DRC11: variants seen among roughly 807,000 people sequenced by gnomAD.
DRC11 encodes the protein IQ and AAA domain-containing protein 1.
chr2:236,402,997 C>T, the DRC11 span, among the ~76,000 whole-genome samples: 1 of 152,102 alleles, frequency 6.6e-6, no homozygotes, highest in Non-Finnish European at 1.5e-5. This position sits in a 1 kb window ranked among gnomAD's most constrained non-coding sequence, Gnocchi z 6.0. Context: ...ATCTTTATTA[C>T]TTTTTCGTCA....
At chr2:236,497,539 A>T in the DRC11 span, 25 of 1,370,472 alleles carry the variant, frequency 1.8e-5, no homozygotes, top group Non-Finnish European at 2.2e-5. The surrounding 1 kb of genome is among the most constrained non-coding windows in gnomAD (Gnocchi z 5.1). Flanking sequence ...ATCACTTGGT[A>T]AAACATAAAC....
At chr2:236,357,073 T>C in the DRC11 span, among the ~76,000 whole-genome samples, 2 of 99,802 alleles carry the variant, frequency 2.0e-5, 1 homozygote, top group Non-Finnish European at 4.4e-5. Flanking sequence ...TATTCATATA[T>C]TATATATCTA....
At chr2:236,459,594 CGT>C in the DRC11 span, among the ~76,000 whole-genome samples, 9 of 98,590 alleles carry the variant, frequency 9.1e-5, no homozygotes, top group African/African-American at 3.2e-4. Context: ...TATACGTATA[CGT>C]ATACATATAT....
chr2:236,366,793 C>G, the DRC11 span, among the ~76,000 whole-genome samples: 1 of 141,830 alleles, frequency 7.1e-6, no homozygotes, highest in African/African-American at 2.5e-5. Context: ...CTCTCCCTCT[C>G]CCTCCCTCCT....
At chr2:236,374,464 C>A in the DRC11 span, among the ~76,000 whole-genome samples, 1 of 151,964 alleles carries the variant, frequency 6.6e-6, no homozygotes, top group South Asian at 2.1e-4. Context: ...AAAGAAATAC[C>A]CAAGACTGGG....
chr2:236,493,723 G>A, the DRC11 span: 1 of 1,482,444 alleles, frequency 6.7e-7, no homozygotes, highest in East Asian at 2.4e-5. Flanking sequence ...GAAAAAGGAA[G>A]TTACACAGAT....
chr2:236,501,079 T>C, the DRC11 span, among the ~76,000 whole-genome samples: 1 of 152,158 alleles, frequency 6.6e-6, no homozygotes, highest in Non-Finnish European at 1.5e-5. Context: ...AGCATCTGCG[T>C]CTGGGGTGGC....
chr2:236,500,566 T>C, the DRC11 span, among the ~76,000 whole-genome samples: 3 of 152,290 alleles, frequency 2.0e-5, no homozygotes, highest in East Asian at 5.8e-4. The surrounding 1 kb of genome is among the most constrained non-coding windows in gnomAD (Gnocchi z 6.3). Context: ...ATATTTAAAC[T>C]ATTGCTAGTG....
At chr2:236,402,307 C>T in the DRC11 span, among the ~76,000 whole-genome samples, 1 of 152,248 alleles carries the variant, frequency 6.6e-6, no homozygotes. This position sits in a 1 kb window ranked among gnomAD's most constrained non-coding sequence, Gnocchi z 6.0. Flanking sequence ...AGAGGACACA[C>T]CTCCTGCCCC....
the DRC11 span, among the ~76,000 whole-genome samples, chr2:236,345,409 G>T: frequency 6.6e-6 from 1 of 152,054 alleles, no homozygotes; most frequent in Non-Finnish European, 1.5e-5. Flanking sequence ...CATCCTCTCA[G>T]TTTGGCTTGA....
the DRC11 span, among the ~76,000 whole-genome samples, chr2:236,498,026 AAG>A: frequency 6.6e-6 from 1 of 152,232 alleles, no homozygotes; most frequent in African/African-American, 2.4e-5. Context: ...GTCCACCAGT[AAG>A]AGAGTGGATA....
chr2:236,356,263 G>C, the DRC11 span, among the ~76,000 whole-genome samples: 1 of 152,204 alleles, frequency 6.6e-6, no homozygotes, highest in Admixed American at 6.5e-5. Context: ...GCCCTGCCCT[G>C]GCCTTCCCTT....
At chr2:236,507,212 T>TG in the DRC11 span, 1 of 1,608,172 alleles carries the variant, frequency 6.2e-7, no homozygotes, top group Non-Finnish European at 8.5e-7. Context: ...CCTTCTGGCT[T>TG]GGGGAAGCCC....
At chr2:236,376,565 G>C in the DRC11 span, among the ~76,000 whole-genome samples, 4 of 152,156 alleles carry the variant, frequency 2.6e-5, no homozygotes, top group East Asian at 3.8e-4. This position sits in a 1 kb window ranked among gnomAD's most constrained non-coding sequence, Gnocchi z 5.7. Flanking sequence ...ACAGTTATGA[G>C]GAATTTTAAG....
At chr2:236,397,544 A>G in the DRC11 span, among the ~76,000 whole-genome samples, 8 of 152,364 alleles carry the variant, frequency 5.3e-5, no homozygotes, top group African/African-American at 1.9e-4. The surrounding 1 kb of genome is among the most constrained non-coding windows in gnomAD (Gnocchi z 5.0). Context: ...GGGCTCCACA[A>G]AGGTGCTCTT....
At chr2:236,384,359 A>G in the DRC11 span, among the ~76,000 whole-genome samples, 2 of 152,012 alleles carry the variant, frequency 1.3e-5, no homozygotes, top group African/African-American at 4.8e-5. Context: ...TTGCCATTCT[A>G]ACTGGTGTGA....
chr2:236,332,125 CATTTT>C, the DRC11 span: 1 of 157,610 alleles, frequency 6.3e-6, no homozygotes, highest in East Asian at 1.8e-4. This position sits in a 1 kb window ranked among gnomAD's most constrained non-coding sequence, Gnocchi z 5.1. Context: ...CTGTATTACA[CATTTT>C]ATTAAATAGA....
At chr2:236,413,313 T>A in the DRC11 span, among the ~76,000 whole-genome samples, 2 of 152,198 alleles carry the variant, frequency 1.3e-5, no homozygotes, top group East Asian at 3.8e-4. This position sits in a 1 kb window ranked among gnomAD's most constrained non-coding sequence, Gnocchi z 4.0. Flanking sequence ...TTCCCTAGGC[T>A]AAGGACTCTA....
chr2:236,344,386 A>G, the DRC11 span, among the ~76,000 whole-genome samples: 1 of 152,176 alleles, frequency 6.6e-6, no homozygotes, highest in East Asian at 1.9e-4. Context: ...AAGTCAGACC[A>G]CAGAACCCTT....
Sources: allele counts gnomAD v4.1 joint callset (sites outside exome capture counted in the v4.1 genomes callset), GRCh38; gene constraint gnomAD v4.1.1; non-coding constraint Gnocchi (gnomAD v3.1); transcripts MANE v1.5; gene names NCBI Gene and HGNC (gene_info 2026-07-23, HGNC 2026-07-21).